USF1: variants seen among roughly 807,000 people sequenced by gnomAD.
USF1 encodes the protein upstream stimulatory factor 1.
A neutral mutation model predicts 46.3 loss-of-function variants in USF1; 22 were observed. The observed-to-expected ratio is 0.47, with a 90% CI of 0.34 to 0.68. USF1 has a LOEUF of 0.68. Ranked by LOEUF, USF1 falls within the 30% of genes least tolerant of loss-of-function variation. The probability of loss-of-function intolerance (pLI) is 0.01; values close to 1 mark genes in which losing one functional copy is unlikely to be tolerated. For missense variants in USF1, 287 were observed against 399.3 expected, an observed-to-expected ratio of 0.72 and a Z score of 2.40; for synonymous variants, 150 against 147.0, an observed-to-expected ratio of 1.02 and a Z score of -0.15.
Position 161,043,344 on chromosome 1 carries a change from G to A in USF1, c.-69C>T. On this transcript the variant is annotated 5_prime_UTR_variant, in exon 2 of 11. Transcript: ENST00000368021. ...AGGTCTTTGTATCTCCTGATTCACA[G>A]GCCTGAGTGCTAAGTCCTGGTAGAA... 6.2e-7 allele frequency: 1 copy of A among 1,612,528 alleles called. No individual in the cohort carries two copies. Among genetic ancestry groups the A allele is most frequent in the South Asian group, 1.1e-5 (1 of 90,988 alleles).
intron 2 of USF1, 42 bp downstream of exon 2, chr1:161,043,226 C>A (rs1650645641): frequency 6.2e-7 from 1 of 1,614,130 alleles, no homozygotes; most frequent in East Asian, 2.2e-5. Flanking sequence ...TTCTTCCAGG[C>A]CACCCATCTT....
chr1:161,040,487 C>G lies in USF1; in HGVS notation c.714+89G>C, dbSNP rs1250792895. On this transcript the variant is annotated intron_variant, in intron 9 of 10. Coordinates refer to ENST00000368021, the MANE Select transcript of USF1 (RefSeq NM_007122.5). This position sits in a 1 kb window ranked among gnomAD's most constrained non-coding sequence, Gnocchi z 4.0. ...CCTCAGGGAGAGATAAGACTACTGT[C>G]ATGTGTGCCCCTCTCTCTACCATTT... 4 of 1,560,168 alleles carry G rather than the reference C, an allele frequency of 2.6e-6. No individual in the cohort carries two copies. The African/African-American group carries it at 5.5e-5, about 21-fold the overall frequency.
At position 161,040,030 on chromosome 1, in the gene USF1, T is replaced by G. The variant is rs1445484027; in HGVS notation, c.844-21A>C. The G allele has an allele frequency of 6.2e-7, 1 of 1,613,760 alleles. No homozygotes were observed. Among genetic ancestry groups the G allele is most frequent in the African/African-American group, 1.3e-5 (1 of 74,882 alleles). The stretch of plus-strand genomic sequence containing the variant: ...TCCACCTGACATGGGAAGGAGGCAG[T>G]AAAGGGAATGGGTAGTAAAGCTGGC... On this transcript the variant is annotated intron_variant, in intron 10 of 10. Coordinates refer to ENST00000368021, the MANE Select transcript of USF1 (RefSeq NM_007122.5). The surrounding 1 kb of genome is among the most constrained non-coding windows in gnomAD (Gnocchi z 4.0).
At chr1:161,044,427 G>C (rs182739937) in intron 1 of USF1, among the ~76,000 whole-genome samples, 1 of 152,168 alleles carries the variant, frequency 6.6e-6, no homozygotes, top group Non-Finnish European at 1.5e-5. Context: ...TCAAACCTAG[G>C]AAGAGGAAAT....
chr1:161,040,293 A>G lies in USF1; in HGVS notation c.752T>C (p.Ile251Thr). Residue 251 changes from isoleucine (I) to threonine (T), a missense_variant, in exon 10 of 11, where the codon ATC (isoleucine) becomes ACC (threonine). Ile to Thr is a moderately conservative substitution (Grantham distance 89). Coordinates refer to ENST00000368021, the MANE Select transcript of USF1 (RefSeq NM_007122.5). The surrounding 1 kb of genome is among the most constrained non-coding windows in gnomAD (Gnocchi z 4.0). Reference sequence around the variant, plus strand: ...GTGGTTACTCTGCCGAAGCTCCTGGATATAATCACAAGCTTTGGATAGAAT... The same window carrying G: ...GTGGTTACTCTGCCGAAGCTCCTGGGTATAATCACAAGCTTTGGATAGAAT... ...GGILSKACDY[I>T]QELRQSNHRL... 6.2e-7 allele frequency: 1 copy of G among 1,614,170 alleles called. No homozygotes were observed. Among genetic ancestry groups the G allele is most frequent in the South Asian group, 1.1e-5 (1 of 91,080 alleles).
chr1:161,040,480 C>G lies in USF1; in HGVS notation c.714+96G>C. On this transcript the variant is annotated intron_variant, in intron 9 of 10. Coordinates refer to ENST00000368021, the MANE Select transcript of USF1 (RefSeq NM_007122.5). This position sits in a 1 kb window ranked among gnomAD's most constrained non-coding sequence, Gnocchi z 4.0. ...ACAGGAACCTCAGGGAGAGATAAGA[C>G]TACTGTCATGTGTGCCCCTCTCTCT... is the stretch of plus-strand genomic sequence containing the variant. 3 of 1,558,474 alleles carry G rather than the reference C, an allele frequency of 1.9e-6. No individual in the cohort carries two copies. The highest frequency in any genetic ancestry group is 1.7e-6 in the Non-Finnish European group (2 of 1,146,952).
At position 161,043,339 on chromosome 1, in the gene USF1, T is replaced by G; in HGVS notation, c.-64A>C. On this transcript the variant is annotated 5_prime_UTR_variant, in exon 2 of 11. Coordinates refer to ENST00000368021, the MANE Select transcript of USF1 (RefSeq NM_007122.5). The stretch of plus-strand genomic sequence containing the variant: ...TTTGGAGGTCTTTGTATCTCCTGAT[T>G]CACAGGCCTGAGTGCTAAGTCCTGG... The G allele has an allele frequency of 1.9e-6, 3 of 1,613,518 alleles. No individual in the cohort carries two copies. The highest frequency in any genetic ancestry group is 2.5e-6 in the Non-Finnish European group (3 of 1,179,516).
Position 161,040,584 on chromosome 1 carries a change from A to T in USF1, c.706T>A (p.Ser236Thr), listed in dbSNP as rs759746108. 1.2e-6 allele frequency: 2 copies of T among 1,612,340 alleles called. No individual in the cohort carries two copies. The highest frequency in any genetic ancestry group is 1.7e-6 in the Non-Finnish European group (2 of 1,179,724). ...CAGGGTCTTTCCATGACCTGGCCAG[A>T]CTTGGTGCTCTCCATAGAGCAGTCT... Reference protein sequence around the residue: ...IPDCSMESTKSGQSKGGILSK... With the variant: ...IPDCSMESTKTGQSKGGILSK... The change falls in exon 9 of 11, where the codon TCT becomes ACT. Residue 236 changes from serine to threonine, a missense_variant. By Grantham distance (58) the Ser-to-Thr change is moderately conservative. Coordinates refer to ENST00000368021, the MANE Select transcript of USF1 (RefSeq NM_007122.5). This position sits in a 1 kb window ranked among gnomAD's most constrained non-coding sequence, Gnocchi z 4.0.
rs1333495947 is a variant in USF1 at position 161,041,744 on chromosome 1, C to T, written c.379G>A (p.Gly127Arg). The change falls in exon 6 of 11, where the codon GGG becomes AGG. Residue 127 changes from glycine to arginine, a missense_variant. Gly to Arg is a moderately radical substitution (Grantham distance 125, BLOSUM62 -2). Coordinates refer to ENST00000368021, the MANE Select transcript of USF1 (RefSeq NM_007122.5). ...CTCCCCGATGTGGTACCCCCTGCCCCATCTCCCACTGCCGTGCTGGGGAAG... is the reference window on the plus strand; with the variant it reads ...CTCCCCGATGTGGTACCCCCTGCCCTATCTCCCACTGCCGTGCTGGGGAAG... ...TYFPSTAVGD[G>R]AGGTTSGSTA... The T allele has an allele frequency of 1.2e-6, 2 of 1,614,008 alleles. No homozygotes were observed. The highest frequency in any genetic ancestry group is 2.7e-5 in the African/African-American group (2 of 74,918).
At position 161,042,843 on chromosome 1, in the gene USF1, C is replaced by G. The variant is rs749363718; in HGVS notation, c.48G>C (p.Gln16His). The change falls in exon 3 of 11, where the codon CAG becomes CAC. Residue 16 changes from glutamine to histidine, a missense_variant. Gln to His is a conservative substitution (Grantham distance 24). Coordinates refer to ENST00000368021, the MANE Select transcript of USF1 (RefSeq NM_007122.5). The part of the protein sequence containing the change: ...KTAETEEGTV[Q>H]IQEGAVATGE... ...GTTTCTAGCACTCACCTTCCTGAAT[C>G]TGCACTGTCCCCTCTTCCGTTTCAG... 1.2e-6 allele frequency: 2 copies of G among 1,614,198 alleles called. No individual in the cohort carries two copies. The highest frequency in any genetic ancestry group is 2.2e-5 in the South Asian group (2 of 91,088).
rs1650408793 is a variant in USF1, at chr1:161,039,297, A to AG, written c.*622_*623insC. The AG allele has an allele frequency of 8.2e-6, 1 of 122,444 alleles. No individual in the cohort carries two copies. Among genetic ancestry groups the AG allele is most frequent in the Non-Finnish European group, 1.9e-5 (1 of 52,722 alleles). The allele number at this position is 122,444 out of a possible 1,614,324, so 7.6% of individuals were successfully genotyped here. The stretch of plus-strand genomic sequence containing the variant: ...TAAAAAAAAAAAAAAAAAAAAAAAA[A>AG]AAAGAAAAGAAAAAAAAAAAACGAC... On this transcript the variant is annotated 3_prime_UTR_variant, in exon 11 of 11. Transcript: ENST00000368021.
At chr1:161,043,955 T>C (rs1650690323) in intron 1 of USF1, among the ~76,000 whole-genome samples, 1 of 145,652 alleles carries the variant, frequency 6.9e-6, no homozygotes. Context: ...TTTTTTTTTT[T>C]TTTTTTCTGA....
intron 3 of USF1, 51 bp downstream of exon 3, chr1:161,042,782 G>A: frequency 1.9e-6 from 3 of 1,613,500 alleles, no homozygotes; most frequent in Non-Finnish European, 2.5e-6. Flanking sequence ...GGTGGGGAAG[G>A]AAGGGAGGCC....
At chr1:161,045,705 G>GTA (rs1650783613) in intron 1 of USF1, among the ~76,000 whole-genome samples, 153 bp downstream of exon 1, 1 of 152,252 alleles carries the variant, frequency 6.6e-6, no homozygotes, top group South Asian at 2.1e-4. Context: ...ACAAAGCAGG[G>GTA]TATGAGATAA....
In USF1 at chr1:161,043,306, G is replaced by C. The variant is rs992081653; in HGVS notation, c.-31C>G. ...TGTGAGGGGGCACATCCGAGGAACT[G>C]GTCCTTTTTTGGAGGTCTTTGTATC... On this transcript the variant is annotated 5_prime_UTR_variant, in exon 2 of 11. Coordinates refer to ENST00000368021, the MANE Select transcript of USF1 (RefSeq NM_007122.5). The C allele has an allele frequency of 6.2e-7, 1 of 1,614,140 alleles. No individual in the cohort carries two copies. Among genetic ancestry groups the C allele is most frequent in the Non-Finnish European group, 8.5e-7 (1 of 1,180,018 alleles).
rs748404757 is a variant in USF1 at position 161,039,272 on chromosome 1, T to TAAAAAAAAAAAA, written c.*636_*647dup. On this transcript the variant is annotated 3_prime_UTR_variant, in exon 11 of 11. Coordinates refer to ENST00000368021, the MANE Select transcript of USF1 (RefSeq NM_007122.5). ...ACTGTGGCTTTGAACAATTTTATCTTAAAAAAAAAAAAAAAAAAAAAAAAA... is the reference window on the plus strand; with the variant it reads ...ACTGTGGCTTTGAACAATTTTATCTTAAAAAAAAAAAAAAAAAAAAAAAAAAAAAAAAAAAAA... 3.4e-4 allele frequency: 20 copies of TAAAAAAAAAAAA among 59,196 alleles called. No homozygotes were observed. The highest frequency in any genetic ancestry group is 7.8e-4 in the South Asian group (1 of 1,274). 3.7% of individuals were successfully genotyped at this position (59,196 alleles called of 1,614,324 possible).
At chr1:161,042,024 T>C (rs1650585811) in intron 5 of USF1, 92 bp downstream of exon 5, 20 of 1,428,900 alleles carry the variant, frequency 1.4e-5, no homozygotes, top group Non-Finnish European at 1.8e-5. Context: ...CTTAGATGCC[T>C]CACTGTTCCT....
At chr1:161,045,655 T>C (rs1221765548) in intron 1 of USF1, among the ~76,000 whole-genome samples, 4 of 152,218 alleles carry the variant, frequency 2.6e-5, no homozygotes, top group African/African-American at 9.6e-5. Flanking sequence ...GCAGGAGGGC[T>C]GGGACGCTCG....
In USF1 at chr1:161,041,312, A is replaced by C; in HGVS notation, c.560+12T>G. The stretch of plus-strand genomic sequence containing the variant: ...CACTTACGGAATCTGAGAAGAAACA[A>C]GGGTCACTCACGGGGAATAAGGGTG... On this transcript the variant is annotated intron_variant, in intron 7 of 10. Coordinates refer to ENST00000368021, the MANE Select transcript of USF1 (RefSeq NM_007122.5). 1 of 1,582,122 alleles carries C rather than the reference A, an allele frequency of 6.3e-7. No individual in the cohort carries two copies. The highest frequency in any genetic ancestry group is 8.6e-7 in the Non-Finnish European group (1 of 1,158,986).
Sources: gnomAD v4.1 joint callset for allele counts (sites outside exome capture counted in the v4.1 genomes callset) on GRCh38, gnomAD v4.1.1 for gene constraint, Gnocchi (gnomAD v3.1) non-coding constraint, MANE v1.5 for transcripts, NCBI Gene and HGNC (gene_info 2026-07-23, HGNC 2026-07-21) for gene names.